SYNE2: variants seen among roughly 807,000 people sequenced by gnomAD.
SYNE2 encodes the protein nesprin-2.
In SYNE2, 431 loss-of-function variants were observed where a neutral mutation model predicts 856.3. The observed-to-expected ratio is 0.50, with a 90% CI of 0.47 to 0.55. The LOEUF (loss-of-function observed/expected upper bound fraction) is 0.55, where lower values mean the gene tolerates loss of function less well. Ranked by LOEUF, SYNE2 falls within the 20% of genes least tolerant of loss-of-function variation. The probability of loss-of-function intolerance (pLI) is 0.00; values close to 1 mark genes in which losing one functional copy is unlikely to be tolerated. For synonymous variants in SYNE2, 2,923 were observed against 2,872.3 expected, an observed-to-expected ratio of 1.02 and a Z score of -0.56; for missense variants, 8,129 against 8,023.2, an observed-to-expected ratio of 1.01 and a Z score of -0.50.
At chr14:63,932,984 A>G (rs2095784580) in intron 2 of SYNE2, among the ~76,000 whole-genome samples, 1 of 152,198 alleles carries the variant, frequency 6.6e-6, no homozygotes, top group Admixed American at 6.5e-5. Flanking sequence ...CTAAGAATTG[A>G]TCATTTTTTC....
chr14:64,087,364 T>C, intron 57 of SYNE2: 1 of 533,986 alleles, frequency 1.9e-6, no homozygotes. Flanking sequence ...ATTACATGTA[T>C]GAAAGGGCTT....
rs1482814444 is a variant in SYNE2 at position 64,003,308 on chromosome 14, A to C, written c.4375A>C (p.Thr1459Pro). 6.2e-7 allele frequency: 1 copy of C among 1,614,110 alleles called. No individual in the cohort carries two copies. The highest frequency in any genetic ancestry group is 2.2e-5 in the East Asian group (1 of 44,876). The change falls in exon 30 of 116, where the codon ACT (threonine) becomes CCT (proline). Residue 1459 changes from threonine (T) to proline (P), a missense_variant. Coordinates refer to ENST00000555002, the MANE Select transcript of SYNE2 (RefSeq NM_182914.3). ...QISKIGLKDPTVPAVKHRKKS... is the reference protein window; with the variant it reads ...QISKIGLKDPPVPAVKHRKKS... ...CAGTAAAATTGGTCTTAAGGATCCT[A>C]CTGTTCCAGCTGTGAAACATCGGTA...
At chr14:64,158,474 A>C in intron 85 of SYNE2, 151 bp from the exon 86 acceptor site, 1 of 798,376 alleles carries the variant, frequency 1.3e-6, no homozygotes, top group South Asian at 1.6e-5. Flanking sequence ...GTTCTTATGC[A>C]TTGACCTACC....
At chr14:64,221,450 G>T in intron 111 of SYNE2, 126 bp from the exon 112 acceptor site, 1 of 1,564,622 alleles carries the variant, frequency 6.4e-7, no homozygotes, top group Non-Finnish European at 8.8e-7. Context: ...GCTGGTCCTC[G>T]TATTCAGTGG....
At position 64,186,427 on chromosome 14, in the gene SYNE2, C is replaced by A. The variant is rs773797629; in HGVS notation, c.17560C>A (p.Leu5854Ile). Residue 5854 changes from leucine to isoleucine, a missense_variant, in exon 97 of 116, where the codon CTA (leucine) becomes ATA (isoleucine). Around this residue, in one of 3 missense-constraint regions of SYNE2, gnomAD observed 5,410 missense variants for 5,284.8 expected, o/e 1.02. Coordinates refer to ENST00000555002, the MANE Select transcript of SYNE2 (RefSeq NM_182914.3). ...LHNEKELIKE[L>I]EQSLASWTQN... The stretch of plus-strand genomic sequence containing the variant: ...CCCTTCTTGTGATTAAATGCAGGAA[C>A]TAGAACAGTCTTTGGCTAGCTGGAC... The A allele has an allele frequency of 5.0e-6, 8 of 1,614,056 alleles. 1 individual carries two copies. The highest frequency in any genetic ancestry group is 3.3e-5 in the Admixed American group (2 of 59,996).
chr14:63,960,887 A>T lies in SYNE2; in HGVS notation c.788-638A>T, dbSNP rs77089336. The T allele has an allele frequency of 7.0e-5, 42 of 601,602 alleles. No homozygotes were observed. The East Asian group carries it at 9.2e-4, about 13-fold the overall frequency. 37.3% of individuals were successfully genotyped at this position (601,602 alleles called of 1,614,324 possible). A position where few individuals can be genotyped will look rare whatever the true frequency, so the allele number is the denominator to read the frequency against. On this transcript the variant is annotated intron_variant, in intron 8 of 115. Coordinates refer to ENST00000555002, the MANE Select transcript of SYNE2 (RefSeq NM_182914.3). ...TAGAGAGACCCTGTCTAAAAAAAAT[A>T]AAAAATAAGATAAATAAGATTTTGT...
chr14:64,021,352 T>G lies in SYNE2; in HGVS notation c.5189T>G (p.Val1730Gly). Residue 1730 changes from valine (V) to glycine (G), a missense_variant, in exon 36 of 116, where the codon GTA (valine) becomes GGA (glycine). This residue lies in a region of SYNE2 where 2,422 missense variants were observed against 2,357.4 expected (regional missense o/e 1.03). Coordinates refer to ENST00000555002, the MANE Select transcript of SYNE2 (RefSeq NM_182914.3). ...ESSILNKMEH[V>G]QKCLTGESNC... is the part of the protein sequence containing the mutation. ...TCTATTTTGAACAAGATGGAACATG[T>G]ACAGAAGTGCTTAACAGGAGAATCC... 6.2e-7 allele frequency: 1 copy of G among 1,614,158 alleles called. No individual in the cohort carries two copies.
At chr14:63,974,890 GTGTATATATATATATA>G (rs1208695544) in intron 11 of SYNE2, among the ~76,000 whole-genome samples, 3 of 27,504 alleles carry the variant, frequency 1.1e-4, no homozygotes, top group African/African-American at 2.4e-4. Context: ...GTGTGTGTGT[GTGTATATATATATATA>G]TATATATATA....
At chr14:64,202,412 C>T (rs1025434732) in intron 99 of SYNE2, 10 of 644,910 alleles carry the variant, frequency 1.6e-5, no homozygotes, top group Admixed American at 4.9e-5. Context: ...CAGGCATACC[C>T]ACGGCAGAAA....
chr14:64,019,673 G>A (rs138343739), intron 34 of SYNE2, among the ~76,000 whole-genome samples: 107 of 152,250 alleles, frequency 7.0e-4, no homozygotes, highest in Non-Finnish European at 1.3e-3. Context: ...GTGTGCATGC[G>A]TGCAGATGCG....
chr14:63,998,373 T>A, intron 26 of SYNE2, 45 bp downstream of exon 26: 1 of 1,285,314 alleles, frequency 7.8e-7, no homozygotes. Context: ...CAGAAGTCTT[T>A]CATCGATGCA....
intron 1 of SYNE2, among the ~76,000 whole-genome samples, chr14:63,823,938 A>G (rs1284653991): frequency 6.6e-6 from 1 of 152,152 alleles, no homozygotes; most frequent in Non-Finnish European, 1.5e-5. Context: ...CACCTGGCCC[A>G]GGTTAATGGT....
Position 64,143,867 on chromosome 14 carries a change from C to G in SYNE2, c.15402C>G (p.Arg5134=), listed in dbSNP as rs2098160665. Residue 5134 remains arginine, a synonymous_variant, in exon 83 of 116, where the codon CGC becomes CGG. Coordinates refer to ENST00000555002, the MANE Select transcript of SYNE2 (RefSeq NM_182914.3). ...QLSTCDVESK[R]YERTEFAEHL... ...GCACCTGTGATGTAGAAAGCAAGCGCTATGAAAGAACGGAGTTTGCAGAGC... is the reference window on the plus strand; with the variant it reads ...GCACCTGTGATGTAGAAAGCAAGCGGTATGAAAGAACGGAGTTTGCAGAGC... 6.2e-7 allele frequency: 1 copy of G among 1,614,174 alleles called. No homozygotes were observed. Among genetic ancestry groups the G allele is most frequent in the Non-Finnish European group, 8.5e-7 (1 of 1,180,020 alleles).
rs35744699 is a variant in SYNE2 at position 64,175,096 on chromosome 14, C to T, written c.17388C>T (p.Pro5796=). Residue 5796 remains proline, a synonymous_variant, in exon 95 of 116, where the codon CCC becomes CCT. Coordinates refer to ENST00000555002, the MANE Select transcript of SYNE2 (RefSeq NM_182914.3). ...AGGACAGCTGGAAAGACATGGAGCC[C>T]CAGCTGGCAGAGATGATTAAGCAGT... ...QLQDSWKDME[P]QLAEMIKQFQ... is the part of the protein sequence containing the mutation. The T allele has an allele frequency of 2.2e-4, 353 of 1,614,044 alleles. 1 individual carries two copies. The African/African-American group carries it at 4.1e-3, about 19-fold the overall frequency.
intron 44 of SYNE2, 150 bp from the exon 45 acceptor site, chr14:64,030,866 A>C: frequency 1.5e-6 from 1 of 647,388 alleles, no homozygotes; most frequent in Non-Finnish European, 2.7e-6. Context: ...GCATTGGTTT[A>C]AATTTTGCCA....
intron 77 of SYNE2, among the ~76,000 whole-genome samples, 159 bp from the exon 78 acceptor site, chr14:64,133,910 G>A (rs1054301058): frequency 3.9e-5 from 6 of 152,114 alleles, no homozygotes; most frequent in Non-Finnish European, 7.3e-5. Context: ...GATGCTGAGC[G>A]CTTACCAGGG....
rs918841139 is a variant in SYNE2 at position 63,883,891 on chromosome 14, T to A, written c.-51-25207T>A. On this transcript the variant is annotated intron_variant, in intron 1 of 115. Transcript: ENST00000555002. ...TTTTTTTTTTTTTTTTGCATGGGTG[T>A]GAGGGGAGTTGGGGAAGTGTGAACT... 2.1e-4 allele frequency among the ~76,000 whole-genome samples: 29 copies of A among 135,052 alleles called. No individual in the cohort carries two copies. In the East Asian group the frequency reaches 4.2e-3, roughly 20 times the overall value. The allele number at this position is 135,052 out of a possible 152,430, so 88.6% of individuals were successfully genotyped here.
chr14:64,039,578 G>C (rs1456898653), intron 45 of SYNE2, among the ~76,000 whole-genome samples: 1 of 152,198 alleles, frequency 6.6e-6, no homozygotes, highest in Non-Finnish European at 1.5e-5. Flanking sequence ...TTTAAAAAAA[G>C]AGTAGACGTT....
intron 64 of SYNE2, among the ~76,000 whole-genome samples, chr14:64,104,345 C>G (rs2097757307): frequency 1.3e-5 from 2 of 152,022 alleles, no homozygotes; most frequent in African/African-American, 4.8e-5. Context: ...CCTTCTACCT[C>G]TAGTCCCTCC....
Sources: allele counts gnomAD v4.1 joint callset (sites outside exome capture counted in the v4.1 genomes callset), GRCh38; gene constraint gnomAD v4.1.1; regional missense constraint gnomAD v4.1.1; transcripts MANE v1.5; gene names NCBI Gene and HGNC (gene_info 2026-07-23, HGNC 2026-07-21).